Variants in KDM4C observed in about 807,000 individuals in gnomAD.
KDM4C encodes the protein lysine demethylase 4C.
KDM4C carries 81 observed loss-of-function variants against 129.3 expected under a neutral mutation model. That is an observed-to-expected ratio of 0.63 (90% CI 0.52 to 0.75). KDM4C has a LOEUF of 0.75. Among genes scored for constraint, KDM4C ranks in the 30% least tolerant of loss-of-function variants. The pLI, the probability that KDM4C is intolerant of heterozygous loss-of-function variation, is 0.00. For synonymous variants in KDM4C, 573 were observed against 456.1 expected, an observed-to-expected ratio of 1.26 and a Z score of -3.26; for missense variants, 1,457 against 1,304.0, an observed-to-expected ratio of 1.12 and a Z score of -1.81.
At chr9:7,163,935 A>G (rs1844079599) in intron 19 of KDM4C, among the ~76,000 whole-genome samples, 1 of 152,224 alleles carries the variant, frequency 6.6e-6, no homozygotes, top group Non-Finnish European at 1.5e-5. Flanking sequence ...AAAAATGAAC[A>G]GCCGGGCCTT....
At chr9:6,824,008 GA>G in intron 4 of KDM4C, among the ~76,000 whole-genome samples, 1 of 152,308 alleles carries the variant, frequency 6.6e-6, no homozygotes, top group African/African-American at 2.4e-5. Flanking sequence ...ATCCTTTTGG[GA>G]AAACATCTGA....
At position 7,160,038 on chromosome 9, in the gene KDM4C, C is replaced by G. The variant is rs546487364; in HGVS notation, c.2782-5200C>G. 3.9e-5 allele frequency among the ~76,000 whole-genome samples: 6 copies of G among 152,262 alleles called. No homozygotes were observed. The East Asian group carries it at 7.7e-4, about 20-fold the overall frequency. On this transcript the variant is annotated intron_variant, in intron 19 of 21. Transcript: ENST00000381309. Reference sequence around the variant, plus strand: ...GGGGCTTTGTTCGTTTCTTTTCACTCTTTTTTCTCTGACCTTGTCTTCTCA... The same window carrying G: ...GGGGCTTTGTTCGTTTCTTTTCACTGTTTTTTCTCTGACCTTGTCTTCTCA...
At chr9:6,742,591 CT>C (rs1817737985) in intron 1 of KDM4C, among the ~76,000 whole-genome samples, 1 of 148,804 alleles carries the variant, frequency 6.7e-6, no homozygotes, top group Non-Finnish European at 1.5e-5. Flanking sequence ...ACTTTTTCTC[CT>C]TTCCTTCTGG....
intron 17 of KDM4C, among the ~76,000 whole-genome samples, chr9:7,074,893 T>A (rs1833712545): frequency 6.6e-6 from 1 of 152,210 alleles, no homozygotes; most frequent in Admixed American, 6.5e-5. Flanking sequence ...TGTATTCTAT[T>A]TGAATACATC....
chr9:6,917,750 C>T (rs1820588679), intron 8 of KDM4C, among the ~76,000 whole-genome samples: 1 of 152,172 alleles, frequency 6.6e-6, no homozygotes, highest in Non-Finnish European at 1.5e-5. Flanking sequence ...AGAACTTCTG[C>T]AGACTGCACA....
chr9:6,919,255 C>CTTTCT (rs1554643792), intron 8 of KDM4C, among the ~76,000 whole-genome samples: 6,885 of 122,028 alleles, frequency 0.056, 289 homozygotes, highest in African/African-American at 0.063. Context: ...TCTTTTCTTT[C>CTTTCT]TTTCTTTCTT....
intron 19 of KDM4C, among the ~76,000 whole-genome samples, chr9:7,152,097 T>A (rs1009862016): frequency 6.6e-6 from 1 of 152,232 alleles, no homozygotes; most frequent in Non-Finnish European, 1.5e-5. Context: ...TTTACTGCAC[T>A]AGAGAAATGA....
chr9:6,883,037 A>G (rs917181911), intron 6 of KDM4C, among the ~76,000 whole-genome samples: 1 of 152,160 alleles, frequency 6.6e-6, no homozygotes, highest in Non-Finnish European at 1.5e-5. Context: ...ATCCCCTGAG[A>G]TCGTTTGGTC....
At chr9:7,006,820 G>A (rs974585341) in intron 12 of KDM4C, among the ~76,000 whole-genome samples, 1 of 151,854 alleles carries the variant, frequency 6.6e-6, no homozygotes, top group African/African-American at 2.4e-5. Context: ...TGGTTTCCTG[G>A]GTCTAAGTGA....
intron 1 of KDM4C, among the ~76,000 whole-genome samples, chr9:6,741,940 G>T (rs1366071938): frequency 4.0e-5 from 6 of 149,020 alleles, no homozygotes; most frequent in Admixed American, 2.7e-4. Flanking sequence ...TTTTTCTAAT[G>T]GCTCAAAAAC....
chr9:6,767,753 T>C (rs1820930985), intron 1 of KDM4C, among the ~76,000 whole-genome samples: 1 of 152,338 alleles, frequency 6.6e-6, no homozygotes, highest in African/African-American at 2.4e-5. Flanking sequence ...TCTTCTGTGC[T>C]TGGCCATCTG....
intron 1 of KDM4C, among the ~76,000 whole-genome samples, chr9:6,762,894 G>C (rs1819841338): frequency 6.6e-6 from 1 of 151,794 alleles, no homozygotes; most frequent in Non-Finnish European, 1.5e-5. Context: ...CTTGACCTCA[G>C]GTGATCCACC....
chr9:6,926,341 T>TTAAAAAAAAAAAAAA (rs1822530315), intron 8 of KDM4C, among the ~76,000 whole-genome samples: 1 of 107,392 alleles, frequency 9.3e-6, no homozygotes, highest in African/African-American at 3.3e-5. Context: ...AGATAATTTG[T>TTAAAAAAAAAAAAAA]AAAAAAAAAA....
At chr9:6,860,596 T>C (rs957691838) in intron 5 of KDM4C, among the ~76,000 whole-genome samples, 1 of 152,186 alleles carries the variant, frequency 6.6e-6, no homozygotes. Context: ...CCTTCACATA[T>C]GCCTGCAATC....
intron 21 of KDM4C, chr9:7,170,099 T>C: frequency 6.9e-7 from 1 of 1,450,822 alleles, no homozygotes; most frequent in Non-Finnish European, 9.2e-7. Context: ...TTACTTTTCT[T>C]CTAATGAAGT....
intron 1 of KDM4C, among the ~76,000 whole-genome samples, chr9:6,729,258 G>C (rs1372388321): frequency 8.1e-6 from 1 of 122,984 alleles, no homozygotes; most frequent in Non-Finnish European, 1.6e-5. Flanking sequence ...GGAAGAAACA[G>C]GGCCAGACGT....
chr9:6,887,477 G>C (rs1359953480), intron 6 of KDM4C, among the ~76,000 whole-genome samples: 1 of 152,182 alleles, frequency 6.6e-6, no homozygotes, highest in Non-Finnish European at 1.5e-5. Flanking sequence ...AGATTAATCA[G>C]AAAAGAAACA....
chr9:6,784,412 A>G lies in KDM4C; in HGVS notation c.-17-8560A>G, dbSNP rs369078625. On this transcript the variant is annotated intron_variant, in intron 1 of 21. Transcript: ENST00000381309. The stretch of plus-strand genomic sequence containing the variant: ...CCTGGCTAATTTTTTTTGTATTATT[A>G]GTAGAGACAGGGTTTCACCATGTTG... 5.0e-4 allele frequency among the ~76,000 whole-genome samples: 76 copies of G among 152,204 alleles called. 1 individual carries two copies. The South Asian group carries it at 0.013, about 26-fold the overall frequency.
Position 6,990,464 on chromosome 9 carries a change from A to C in KDM4C, c.1726A>C (p.Ser576Arg). ...KTSKSWRHPLSRPPARSPMTL... is the reference protein window; with the variant it reads ...KTSKSWRHPLRRPPARSPMTL... Reference sequence around the variant, plus strand: ...CTCTAAGAGTTGGCGCCATCCACTTAGCAGGCCTCCAGCAAGATCTCCGAT... The same window carrying C: ...CTCTAAGAGTTGGCGCCATCCACTTCGCAGGCCTCCAGCAAGATCTCCGAT... Residue 576 changes from serine (S) to arginine (R), a missense_variant, in exon 12 of 22, where the codon AGC becomes CGC. Ser to Arg is a moderately radical substitution (Grantham distance 110, BLOSUM62 -1). Coordinates refer to ENST00000381309, the MANE Select transcript of KDM4C (RefSeq NM_015061.6). The C allele has an allele frequency of 6.2e-7, 1 of 1,613,676 alleles. No homozygotes were observed. Among genetic ancestry groups the C allele is most frequent in the South Asian group, 1.1e-5 (1 of 91,072 alleles).
Sources: allele counts gnomAD v4.1 joint callset (sites outside exome capture counted in the v4.1 genomes callset), GRCh38; gene constraint gnomAD v4.1.1; transcripts MANE v1.5; gene names NCBI Gene and HGNC (gene_info 2026-07-23, HGNC 2026-07-21).